The following NXN variants were observed in gnomAD, a reference collection of about 807,000 sequenced individuals.
The protein encoded by NXN is nucleoredoxin, also known as nucleoredoxin 1.
In NXN, 16 loss-of-function variants were observed where a neutral mutation model predicts 48.6. The ratio of observed to expected loss-of-function variants is 0.33; its 90% CI spans 0.22 to 0.50. The LOEUF (loss-of-function observed/expected upper bound fraction) is 0.50, where lower values mean the gene tolerates loss of function less well. NXN is among the 20% of genes least tolerant of loss of function. The probability of loss-of-function intolerance (pLI) is 0.98; values close to 1 mark genes in which losing one functional copy is unlikely to be tolerated. For missense variants in NXN, 492 were observed against 605.5 expected, an observed-to-expected ratio of 0.81 and a Z score of 1.97; for synonymous variants, 281 against 269.6, an observed-to-expected ratio of 1.04 and a Z score of -0.41.
chr17:940,655 T>A (rs1354548320), intron 1 of NXN, among the ~76,000 whole-genome samples: 39 of 150,810 alleles, frequency 2.6e-4, no homozygotes, highest in African/African-American at 9.3e-4. Context: ...TGAACTCACA[T>A]CACACCTTCC....
Position 822,531 on chromosome 17 carries a change from G to A in NXN, c.613-74C>T, listed in dbSNP as rs148378091. On this transcript the variant is annotated intron_variant, in intron 3 of 7. Transcript: ENST00000336868. ...TCCCAGCCACTCACCATCCAAGGCC[G>A]GGTTAGCAGGACTCAAGCAGGACTG... 1.5e-3 allele frequency: 1,623 copies of A among 1,101,996 alleles called. 7 individuals carry two copies. The highest frequency in any genetic ancestry group is 6.5e-3 in the South Asian group (505 of 77,492). 68.3% of individuals were successfully genotyped at this position (1,101,996 alleles called of 1,614,324 possible).
intron 5 of NXN, among the ~76,000 whole-genome samples, chr17:816,190 C>T (rs556067937): frequency 1.3e-5 from 2 of 152,180 alleles, no homozygotes; most frequent in Non-Finnish European, 2.9e-5. Context: ...TTCCCACTGT[C>T]CAGTTACAAT....
At chr17:927,673 G>A (rs1248462206) in intron 1 of NXN, among the ~76,000 whole-genome samples, 1 of 150,698 alleles carries the variant, frequency 6.6e-6, no homozygotes, top group African/African-American at 2.4e-5. Context: ...CACGTAACCA[G>A]TCAGACAGCG....
intron 1 of NXN, among the ~76,000 whole-genome samples, chr17:976,328 C>G (rs879918517): frequency 6.6e-6 from 1 of 151,826 alleles, no homozygotes. Flanking sequence ...AAAGAAATAC[C>G]ACACAGCATT....
At chr17:820,657 C>T (rs1401101302) in intron 4 of NXN, among the ~76,000 whole-genome samples, 1 of 68,694 alleles carries the variant, frequency 1.5e-5, no homozygotes, top group African/African-American at 9.1e-5. Context: ...GACATGGTGG[C>T]TCACACCTGT....
In NXN at chr17:960,835, G is replaced by A. The variant is rs375576611; in HGVS notation, c.360+18484C>T. On this transcript the variant is annotated intron_variant, in intron 1 of 7. Coordinates refer to ENST00000336868, the MANE Select transcript of NXN (RefSeq NM_022463.5). Reference sequence around the variant, plus strand: ...GTGTCTCGCTCTGCCACCCAGGCTGGAGTGCAGTGGCGCAATCTCGGCTCA... The same window carrying A: ...GTGTCTCGCTCTGCCACCCAGGCTGAAGTGCAGTGGCGCAATCTCGGCTCA... Among the ~76,000 whole-genome samples the A allele has an allele frequency of 9.1e-4, 133 of 145,692 alleles. 1 individual carries two copies. Among genetic ancestry groups the A allele is most frequent in the African/African-American group, 3.2e-3 (122 of 38,000 alleles).
intron 1 of NXN, among the ~76,000 whole-genome samples, chr17:898,286 G>T (rs1353670631): frequency 6.6e-6 from 1 of 152,112 alleles, no homozygotes; most frequent in African/African-American, 2.4e-5. Flanking sequence ...AACTGCCCCA[G>T]TTGAGAACCA....
chr17:886,100 A>C (rs1268114078), intron 1 of NXN, among the ~76,000 whole-genome samples: 4 of 152,046 alleles, frequency 2.6e-5, no homozygotes, highest in Non-Finnish European at 5.9e-5. Context: ...GGCCAGGTGG[A>C]GCCCATCAGA....
rs112302616 is a variant in NXN at position 822,572 on chromosome 17, G to A, written c.613-115C>T. 51 of 680,858 alleles carry A rather than the reference G, an allele frequency of 7.5e-5. 1 individual carries two copies. The highest frequency in any genetic ancestry group is 1.0e-4 in the Non-Finnish European group (39 of 383,762). The allele number at this position is 680,858 out of a possible 1,614,324, so 42.2% of individuals were successfully genotyped here. A position where few individuals can be genotyped will look rare whatever the true frequency, so the allele number is the denominator to read the frequency against. Reference sequence around the variant, plus strand: ...AGCAGGACTGGGACAGCAAAATCCCGTTCATGAAAGGGGTGGAAATGAGAT... The same window carrying A: ...AGCAGGACTGGGACAGCAAAATCCCATTCATGAAAGGGGTGGAAATGAGAT... On this transcript the variant is annotated intron_variant, in intron 3 of 7. Coordinates refer to ENST00000336868, the MANE Select transcript of NXN (RefSeq NM_022463.5).
In NXN at chr17:809,938, GTGTACGTTACGAGTCTGTGTGAGT is replaced by G. The variant is rs1911829661; in HGVS notation, c.821-4715_821-4692del. Among the ~76,000 whole-genome samples the G allele has an allele frequency of 2.9e-4, 42 of 142,672 alleles. 1 individual carries two copies. Among genetic ancestry groups the G allele is most frequent in the East Asian group, 8.4e-4 (4 of 4,746 alleles). The allele number at this position is 142,672 out of a possible 152,430, so 93.6% of individuals were successfully genotyped here. ...CACGTTAAGAGTCCGTGTGAGTGGC[GTGTACGTTACGAGTCTGTGTGAGT>G]GGCGTGTACGTTACGAGTCTGTGAG... On this transcript the variant is annotated intron_variant, in intron 5 of 7. Transcript: ENST00000336868.
rs150750102 is a variant in NXN at position 912,086 on chromosome 17, C to A, written c.360+67233G>T. Reference sequence around the variant, plus strand: ...CCAAGTAGCAGGGATTACAGGCGCCCGCTACCACGCACGGCTAATTTTTCT... The same window carrying A: ...CCAAGTAGCAGGGATTACAGGCGCCAGCTACCACGCACGGCTAATTTTTCT... On this transcript the variant is annotated intron_variant, in intron 1 of 7. Transcript: ENST00000336868. Among the ~76,000 whole-genome samples, 23 of 151,924 alleles carry A rather than the reference C, an allele frequency of 1.5e-4. No homozygotes were observed. The South Asian group carries it at 4.6e-3, about 30-fold the overall frequency.
At chr17:931,834 C>CAAA (rs34072582) in intron 1 of NXN, among the ~76,000 whole-genome samples, 33 of 88,404 alleles carry the variant, frequency 3.7e-4, no homozygotes, top group African/African-American at 1.6e-3. Context: ...GACTCCGTCT[C>CAAA]AAAAAAAAAA....
At chr17:946,026 TAG>T (rs1441603137) in intron 1 of NXN, among the ~76,000 whole-genome samples, 3 of 150,386 alleles carry the variant, frequency 2.0e-5, no homozygotes, top group Non-Finnish European at 3.0e-5. Context: ...CTCCCTGGGG[TAG>T]AGAGGGAGAA....
At chr17:902,783 T>C (rs1343102830) in intron 1 of NXN, among the ~76,000 whole-genome samples, 1 of 126,746 alleles carries the variant, frequency 7.9e-6, no homozygotes, top group Non-Finnish European at 1.6e-5. Context: ...CCCATCATTC[T>C]TTTTTTTTTT....
chr17:862,729 A>G (rs2068053389), intron 1 of NXN, among the ~76,000 whole-genome samples: 1 of 152,238 alleles, frequency 6.6e-6, no homozygotes, highest in African/African-American at 2.4e-5. Context: ...TAACCTCAGC[A>G]TCATCAATAA....
intron 1 of NXN, among the ~76,000 whole-genome samples, chr17:954,754 G>T (rs1484559425): frequency 6.6e-6 from 1 of 152,212 alleles, no homozygotes; most frequent in Non-Finnish European, 1.5e-5. Context: ...AAAAAGTACT[G>T]TGGCTGCCAA....
rs1021069853 is a variant in NXN, at chr17:958,587, A to G, written c.360+20732T>C. On this transcript the variant is annotated intron_variant, in intron 1 of 7. Coordinates refer to ENST00000336868, the MANE Select transcript of NXN (RefSeq NM_022463.5). This position sits in a 1 kb window ranked among gnomAD's most constrained non-coding sequence, Gnocchi z 6.9. ...GGAGTTCGAGACCAGCCTGGCCAAC[A>G]TGGTGAAACCCCATCTGTACTAAAA... Among the ~76,000 whole-genome samples, 8 of 152,190 alleles carry G rather than the reference A, an allele frequency of 5.3e-5. 1 individual carries two copies. In the South Asian group the frequency reaches 1.2e-3, roughly 24 times the overall value.
chr17:945,427 C>T (rs905300203), intron 1 of NXN, among the ~76,000 whole-genome samples: 3 of 151,518 alleles, frequency 2.0e-5, no homozygotes, highest in Non-Finnish European at 2.9e-5. Context: ...ATAAGAGTTT[C>T]CCCCATCCTG....
chr17:854,011 C>T (rs544431262), intron 1 of NXN, among the ~76,000 whole-genome samples: 4 of 152,148 alleles, frequency 2.6e-5, no homozygotes, highest in African/African-American at 7.2e-5. Flanking sequence ...TGAGCCACTG[C>T]GCCCGGCCAA....
Sources: gnomAD v4.1 joint callset for allele counts (sites outside exome capture counted in the v4.1 genomes callset) on GRCh38, gnomAD v4.1.1 for gene constraint, Gnocchi (gnomAD v3.1) non-coding constraint, MANE v1.5 for transcripts, NCBI Gene and HGNC (gene_info 2026-07-23, HGNC 2026-07-21) for gene names.